Variants in LINGO2 observed in about 807,000 individuals in gnomAD.
LINGO2 encodes the protein leucine-rich repeat and immunoglobulin-like domain-containing nogo receptor-interacting protein 2.
LINGO2 carries 14 observed loss-of-function variants against 30.6 expected under a neutral mutation model. The observed-to-expected ratio is 0.46, with a 90% CI of 0.30 to 0.72. LINGO2 has a LOEUF of 0.72. Ranked by LOEUF, LINGO2 falls within the 30% of genes least tolerant of loss-of-function variation. The probability of loss-of-function intolerance (pLI) is 0.07; values close to 1 mark genes in which losing one functional copy is unlikely to be tolerated. For missense variants in LINGO2, 729 were observed against 751.7 expected (o/e 0.97, Z 0.35); for synonymous variants, 317 against 288.5 (o/e 1.10, Z -1.00).
the LINGO2 span, among the ~76,000 whole-genome samples, chr9:29,026,470 G>A: frequency 2.8e-4 from 43 of 152,116 alleles, no homozygotes; most frequent in African/African-American, 9.6e-4. Context: ...TTAATACTAT[G>A]TGTGTGCCTC....
the LINGO2 span, among the ~76,000 whole-genome samples, chr9:28,895,253 T>C: frequency 1.3e-5 from 2 of 152,004 alleles, no homozygotes; most frequent in Admixed American, 6.6e-5. Context: ...ATAAAAGTCA[T>C]CAGAATCAAA....
chr9:28,390,486 A>C (rs1329709020), intron 2 of LINGO2, among the ~76,000 whole-genome samples: 1 of 152,110 alleles, frequency 6.6e-6, no homozygotes, highest in African/African-American at 2.4e-5. Flanking sequence ...TTTTGTGTTT[A>C]TGAACATCTT....
chr9:28,906,582 A>C, the LINGO2 span, among the ~76,000 whole-genome samples: 1 of 151,950 alleles, frequency 6.6e-6, no homozygotes, highest in Non-Finnish European at 1.5e-5. Flanking sequence ...GATAATGCCA[A>C]ATGCAGAAAG....
the LINGO2 span, among the ~76,000 whole-genome samples, chr9:29,190,737 G>A: frequency 2.6e-5 from 4 of 152,062 alleles, no homozygotes; most frequent in Non-Finnish European, 5.9e-5. Context: ...TTTGCCCTTT[G>A]TTCAAAATTT....
chr9:28,353,571 C>T lies in LINGO2; in HGVS notation c.-246+19265G>A, dbSNP rs938447818. Among the ~76,000 whole-genome samples the T allele has an allele frequency of 5.8e-3, 867 of 150,716 alleles. 6 individuals carry two copies. The highest frequency in any genetic ancestry group is 0.02 in the African/African-American group (831 of 41,276). On this transcript the variant is annotated intron_variant, in intron 3 of 5. Transcript: ENST00000379992. ...CTGTTGGTGGGACTGTAAACTAGTT[C>T]AACCATTGTGGAAGTCAGTGTGGCG...
At chr9:28,973,665 T>C in the LINGO2 span, among the ~76,000 whole-genome samples, 1 of 152,312 alleles carries the variant, frequency 6.6e-6, no homozygotes, top group Non-Finnish European at 1.5e-5. Flanking sequence ...ATTAAACCTC[T>C]TTCCTTTATA....
chr9:28,562,531 T>A (rs1022765104), intron 1 of LINGO2, among the ~76,000 whole-genome samples: 4 of 150,728 alleles, frequency 2.7e-5, no homozygotes, highest in African/African-American at 9.7e-5. Flanking sequence ...AAAGTATATG[T>A]TTCCTTCACA....
chr9:28,780,190 T>G, the LINGO2 span, among the ~76,000 whole-genome samples: 1 of 152,158 alleles, frequency 6.6e-6, no homozygotes, highest in Non-Finnish European at 1.5e-5. Flanking sequence ...AAAAAGAGAA[T>G]GTTGCCACTG....
intron 1 of LINGO2, among the ~76,000 whole-genome samples, chr9:28,516,363 T>G (rs1468822803): frequency 6.6e-6 from 1 of 152,174 alleles, no homozygotes; most frequent in Non-Finnish European, 1.5e-5. Flanking sequence ...AAAACTACAT[T>G]TAAGTTTTAA....
At chr9:28,514,584 T>A (rs1244745983) in intron 1 of LINGO2, among the ~76,000 whole-genome samples, 1 of 152,148 alleles carries the variant, frequency 6.6e-6, no homozygotes, top group African/African-American at 2.4e-5. Context: ...CTAACTCTCT[T>A]CTATTATATC....
the LINGO2 span, among the ~76,000 whole-genome samples, chr9:28,905,984 A>G: frequency 1.3e-5 from 2 of 152,114 alleles, no homozygotes; most frequent in South Asian, 4.1e-4. Context: ...GCCTTAAAAA[A>G]GAAGGAAATC....
chr9:28,230,496 A>G (rs1055186588), intron 4 of LINGO2, among the ~76,000 whole-genome samples: 1 of 151,884 alleles, frequency 6.6e-6, no homozygotes, highest in Non-Finnish European at 1.5e-5. Context: ...ATATTTGGTA[A>G]GGTAAATCCC....
At chr9:28,411,930 TA>T (rs940895440) in intron 2 of LINGO2, among the ~76,000 whole-genome samples, 8 of 152,130 alleles carry the variant, frequency 5.3e-5, no homozygotes, top group Admixed American at 1.3e-4. Context: ...CAAAACTTGT[TA>T]TTTTTTTATT....
At chr9:28,047,494 TAATA>T (rs971937911) in intron 4 of LINGO2, among the ~76,000 whole-genome samples, 9 of 150,986 alleles carry the variant, frequency 6.0e-5, no homozygotes, top group Non-Finnish European at 1.0e-4. Context: ...AATTCCAGTT[TAATA>T]AATACAGGAC....
intron 1 of LINGO2, among the ~76,000 whole-genome samples, chr9:28,613,835 T>A (rs1004961213): frequency 6.6e-6 from 1 of 152,204 alleles, no homozygotes; most frequent in Non-Finnish European, 1.5e-5. Context: ...AGTTTATGGA[T>A]GAGTGCAGCA....
chr9:28,413,814 G>C (rs1822865320), intron 2 of LINGO2, among the ~76,000 whole-genome samples: 1 of 151,982 alleles, frequency 6.6e-6, no homozygotes, highest in Non-Finnish European at 1.5e-5. Flanking sequence ...ATTAATACTT[G>C]ATTATAAGAT....
At chr9:28,356,063 G>A (rs1820196640) in intron 3 of LINGO2, among the ~76,000 whole-genome samples, 1 of 152,072 alleles carries the variant, frequency 6.6e-6, no homozygotes, top group African/African-American at 2.4e-5. Context: ...TCTAGAAATA[G>A]ATTATGGAAT....
the LINGO2 span, among the ~76,000 whole-genome samples, chr9:29,009,057 A>G: frequency 6.6e-6 from 1 of 152,228 alleles, no homozygotes; most frequent in African/African-American, 2.4e-5. Context: ...GCTACTTATG[A>G]CAAATCCACA....
At chr9:28,355,372 T>C (rs1291168699) in intron 3 of LINGO2, among the ~76,000 whole-genome samples, 8 of 78,634 alleles carry the variant, frequency 1.0e-4, no homozygotes, top group African/African-American at 4.1e-4. Flanking sequence ...TCTGTGTGTG[T>C]GTGTGTGTGT....
Sources: allele counts gnomAD v4.1 joint callset (sites outside exome capture counted in the v4.1 genomes callset), GRCh38; gene constraint gnomAD v4.1.1; transcripts MANE v1.5; gene names NCBI Gene and HGNC (gene_info 2026-07-23, HGNC 2026-07-21).